The following CLPTM1 variants were observed in gnomAD, a reference collection of about 807,000 sequenced individuals.
CLPTM1 encodes putative lipid scramblase CLPTM1.
CLPTM1 carries 21 observed loss-of-function variants against 77.3 expected under a neutral mutation model. The ratio of observed to expected loss-of-function variants is 0.27; its 90% CI spans 0.19 to 0.39. The LOEUF is 0.39. Ranked by LOEUF, CLPTM1 falls within the 10% of genes least tolerant of loss-of-function variation. CLPTM1 has a pLI of 1.00. For synonymous variants in CLPTM1, 373 were observed against 381.0 expected (o/e 0.98, Z 0.24); for missense variants, 642 against 921.2 (o/e 0.70, Z 3.92).
At position 44,991,131 on chromosome 19, in the gene CLPTM1, TCC is replaced by T; in HGVS notation, c.1420-103_1420-102del. 6.4e-7 allele frequency: 1 copy of T among 1,560,674 alleles called. No individual in the cohort carries two copies. The highest frequency in any genetic ancestry group is 8.7e-7 in the Non-Finnish European group (1 of 1,149,102). On this transcript the variant is annotated intron_variant, in intron 11 of 13. Transcript: ENST00000337392. The surrounding 1 kb of genome is among the most constrained non-coding windows in gnomAD (Gnocchi z 5.4). Reference sequence around the variant, plus strand: ...GGAGTCCCCAGGGCTACCTGGAAATTCCCCCTGCCCGGCCTGCCAGACCAGGT... The same window carrying T: ...GGAGTCCCCAGGGCTACCTGGAAATTCCCTGCCCGGCCTGCCAGACCAGGT...
chr19:44,978,981 CTTT>C (rs35634071), intron 5 of CLPTM1, among the ~76,000 whole-genome samples: 34 of 132,258 alleles, frequency 2.6e-4, no homozygotes, highest in Non-Finnish European at 2.1e-4. Flanking sequence ...TTGCCTGGCT[CTTT>C]TTTTTTTTTT....
chr19:44,973,344 T>TCCTCAACCCTG, intron 3 of CLPTM1, 134 bp downstream of exon 3: 1 of 1,190,188 alleles, frequency 8.4e-7, no homozygotes, highest in Non-Finnish European at 1.2e-6. Context: ...GGTCCAGGGT[T>TCCTCAACCCTG]GAGGAACTCT....
chr19:44,973,320 G>A, intron 3 of CLPTM1, 110 bp downstream of exon 3: 1 of 1,471,192 alleles, frequency 6.8e-7, no homozygotes, highest in Non-Finnish European at 9.3e-7. Flanking sequence ...CTCACTGGCA[G>A]GTCTAGGAAA....
chr19:44,955,491 A>T, intron 1 of CLPTM1, 24 bp downstream of exon 1: 1 of 1,280,660 alleles, frequency 7.8e-7, no homozygotes. Flanking sequence ...GAGGGGACTG[A>T]GGGGGTTCTT....
chr19:44,962,452 G>T (rs1054222589), intron 2 of CLPTM1, among the ~76,000 whole-genome samples: 1 of 152,190 alleles, frequency 6.6e-6, no homozygotes, highest in Admixed American at 6.5e-5. Flanking sequence ...CCAGGATCCA[G>T]CTGTGGGCAG....
intron 1 of CLPTM1, among the ~76,000 whole-genome samples, chr19:44,958,307 C>T (rs1970493881): frequency 6.6e-6 from 1 of 151,266 alleles, no homozygotes; most frequent in African/African-American, 2.4e-5. Flanking sequence ...GGGACAGATG[C>T]AGATTATGCC....
At position 44,992,703 on chromosome 19, in the gene CLPTM1, A is replaced by C. The variant is rs1971097171; in HGVS notation, c.1816A>C (p.Thr606Pro). 2.5e-6 allele frequency: 4 copies of C among 1,613,624 alleles called. No individual in the cohort carries two copies. The highest frequency in any genetic ancestry group is 3.4e-6 in the Non-Finnish European group (4 of 1,179,828). Reference sequence around the variant, plus strand: ...GTTTGGCATGAGTGGAGAAGACCCCACAGCTGCCGCCCCCGTGGCCGAGGT... The same window carrying C: ...GTTTGGCATGAGTGGAGAAGACCCCCCAGCTGCCGCCCCCGTGGCCGAGGT... ...NEFGMSGEDP[T>P]AAAPVAEVPT... is the part of the protein sequence containing the mutation. The change falls in exon 14 of 14, where the codon ACA (threonine) becomes CCA (proline). Residue 606 changes from threonine (T) to proline (P), a missense_variant. Physicochemically the swap from Thr to Pro is conservative, Grantham distance 38. This residue lies in a region of CLPTM1 where 521 missense variants were observed against 800.4 expected (regional missense o/e 0.65). Coordinates refer to ENST00000337392, the MANE Select transcript of CLPTM1 (RefSeq NM_001294.4). The surrounding 1 kb of genome is among the most constrained non-coding windows in gnomAD (Gnocchi z 7.7).
chr19:44,992,183 G>T lies in CLPTM1; in HGVS notation c.1556-50G>T. 1 of 1,601,690 alleles carries T rather than the reference G, an allele frequency of 6.2e-7. No individual in the cohort carries two copies. On this transcript the variant is annotated intron_variant, in intron 12 of 13. Transcript: ENST00000337392. This position sits in a 1 kb window ranked among gnomAD's most constrained non-coding sequence, Gnocchi z 7.7. ...GGTATGGCCAGTGCAGAGTGCACAG[G>T]GGAGAGGTGGGAGAGGCCATCCCTC...
At chr19:44,959,856 C>T (rs1970517986) in intron 1 of CLPTM1, among the ~76,000 whole-genome samples, 1 of 152,210 alleles carries the variant, frequency 6.6e-6, no homozygotes, top group Non-Finnish European at 1.5e-5. Flanking sequence ...TGATAGCCAT[C>T]CTAATAGGTG....
Position 44,977,409 on chromosome 19 carries a change from C to G in CLPTM1, c.535C>G (p.Pro179Ala). 6.2e-7 allele frequency: 1 copy of G among 1,609,970 alleles called. No homozygotes were observed. The highest frequency in any genetic ancestry group is 1.1e-5 in the South Asian group (1 of 91,086). ...CACCAAGAGTGGCTTCCACCCAGACCCCCGGCAGAAGGCCCTGTACCGCCG... is the reference window on the plus strand; with the variant it reads ...CACCAAGAGTGGCTTCCACCCAGACGCCCGGCAGAAGGCCCTGTACCGCCG... ...YFTKSGFHPD[P>A]RQKALYRRLA... is the part of the protein sequence containing the mutation. Residue 179 changes from proline (P) to alanine (A), a missense_variant, in exon 5 of 14, where the codon CCC becomes GCC. Transcript: ENST00000337392.
intron 5 of CLPTM1, among the ~76,000 whole-genome samples, chr19:44,983,241 C>T (rs1970925528): frequency 6.6e-6 from 1 of 152,076 alleles, no homozygotes; most frequent in South Asian, 2.1e-4. Flanking sequence ...GGTCTCTTTC[C>T]CCTTTCCCTG....
chr19:44,979,210 C>T (rs1445318490), intron 5 of CLPTM1, among the ~76,000 whole-genome samples: 1 of 152,090 alleles, frequency 6.6e-6, no homozygotes, highest in African/African-American at 2.4e-5. Context: ...AAACTCCTGA[C>T]CTCAAGTGAT....
Position 44,962,065 on chromosome 19 carries a change from G to T in CLPTM1, c.175G>T (p.Val59Leu). ...APNAWQVIKG[V>L]LFRIFIIWAI... is the part of the protein sequence containing the mutation. ...CAATGCCTGGCAGGTCATCAAAGGT[G>T]TGCTGTTTAGGTGAGCAGACGGGAC... The change falls in exon 2 of 14, where the codon GTG (valine) becomes TTG (leucine). Residue 59 changes from valine (V) to leucine (L), a missense_variant. Val to Leu is a conservative substitution (Grantham distance 32, BLOSUM62 1). Transcript: ENST00000337392. 3 of 1,601,784 alleles carry T rather than the reference G, an allele frequency of 1.9e-6. No homozygotes were observed. Among genetic ancestry groups the T allele is most frequent in the South Asian group, 1.1e-5 (1 of 89,322 alleles).
At chr19:44,969,144 C>T (rs544843121) in intron 2 of CLPTM1, among the ~76,000 whole-genome samples, 31 of 152,306 alleles carry the variant, frequency 2.0e-4, no homozygotes, top group African/African-American at 6.7e-4. Context: ...ACTGGGTATG[C>T]ACCAGGCTCC....
Position 44,991,141 on chromosome 19 carries a change from C to T in CLPTM1, c.1420-97C>T, listed in dbSNP as rs965240598. The T allele has an allele frequency of 2.6e-5, 41 of 1,573,738 alleles. 1 individual carries two copies. Among genetic ancestry groups the T allele is most frequent in the South Asian group, 1.5e-4 (13 of 86,988 alleles). On this transcript the variant is annotated intron_variant, in intron 11 of 13. Transcript: ENST00000337392. This position sits in a 1 kb window ranked among gnomAD's most constrained non-coding sequence, Gnocchi z 5.4. ...GGGCTACCTGGAAATTCCCCCTGCC[C>T]GGCCTGCCAGACCAGGTGTGGTGGG...
At chr19:44,983,617 CAAAAAA>C (rs35582067) in intron 5 of CLPTM1, among the ~76,000 whole-genome samples, 5 of 39,790 alleles carry the variant, frequency 1.3e-4, no homozygotes, top group African/African-American at 2.7e-4. Flanking sequence ...GACTCTGTCT[CAAAAAA>C]AAAAAAAAAA....
In CLPTM1 at chr19:44,992,832, G is replaced by C. The variant is rs760671649; in HGVS notation, c.1945G>C (p.Ala649Pro). 6.2e-7 allele frequency: 1 copy of C among 1,613,668 alleles called. No individual in the cohort carries two copies. The highest frequency in any genetic ancestry group is 1.1e-5 in the South Asian group (1 of 91,066). ...CCTGCCCACCAAGCCCACCCAGGGG[G>C]CCAGCTCTGCCAGCGAGCCCCAGGA... is the stretch of plus-strand genomic sequence containing the variant. ...TSLPTKPTQG[A>P]SSASEPQEAP... The change falls in exon 14 of 14, where the codon GCC becomes CCC. Residue 649 changes from alanine to proline, a missense_variant. By Grantham distance (27) the Ala-to-Pro change is conservative. Coordinates refer to ENST00000337392, the MANE Select transcript of CLPTM1 (RefSeq NM_001294.4). This position sits in a 1 kb window ranked among gnomAD's most constrained non-coding sequence, Gnocchi z 7.7.
upstream of CLPTM1, chr19:44,955,339 T>G (rs1205377339): frequency 1.1e-5 from 12 of 1,115,072 alleles, no homozygotes; most frequent in African/African-American, 5.5e-5. Context: ...GCGATTGCGC[T>G]GCGAAGTCGG....
chr19:44,978,066 C>T (rs1468888774), intron 5 of CLPTM1, among the ~76,000 whole-genome samples: 2 of 151,982 alleles, frequency 1.3e-5, no homozygotes, highest in African/African-American at 4.8e-5. Flanking sequence ...GCCAGAATCA[C>T]ACCACTGCAC....
Sources: allele counts gnomAD v4.1 joint callset (sites outside exome capture counted in the v4.1 genomes callset), GRCh38; gene constraint gnomAD v4.1.1; regional missense constraint gnomAD v4.1.1; non-coding constraint Gnocchi (gnomAD v3.1); transcripts MANE v1.5; gene names NCBI Gene and HGNC (gene_info 2026-07-23, HGNC 2026-07-21).